Variants in MPPED1 observed in about 807,000 individuals in gnomAD.
MPPED1 encodes metallophosphoesterase domain containing 1, also known as metallophosphoesterase domain-containing protein 1.
Under a neutral mutation model 36.2 loss-of-function variants are expected in MPPED1, and 16 were observed. The ratio of observed to expected loss-of-function variants is 0.44; its 90% CI spans 0.30 to 0.67. MPPED1 has a LOEUF of 0.67. Ranked by LOEUF, MPPED1 falls within the 30% of genes least tolerant of loss-of-function variation. The pLI, the probability that MPPED1 is intolerant of heterozygous loss-of-function variation, is 0.10. For synonymous variants in MPPED1, 199 were observed against 191.3 expected, an observed-to-expected ratio of 1.04 and a Z score of -0.33; for missense variants, 307 against 453.4, an observed-to-expected ratio of 0.68 and a Z score of 2.93.
intron 3 of MPPED1, among the ~76,000 whole-genome samples, chr22:43,440,426 AG>A (rs1930110861): frequency 6.6e-6 from 1 of 152,080 alleles, no homozygotes; most frequent in Non-Finnish European, 1.5e-5. Flanking sequence ...TGAGGGCAGG[AG>A]GGGAGGCTGA....
chr22:43,430,084 T>C (rs1467624276), intron 2 of MPPED1, among the ~76,000 whole-genome samples: 2 of 152,034 alleles, frequency 1.3e-5, no homozygotes, highest in Non-Finnish European at 2.9e-5. Flanking sequence ...ATTTGTAAAA[T>C]GAGAGGAAGG....
At chr22:43,466,513 A>G (rs1307089113) in intron 3 of MPPED1, among the ~76,000 whole-genome samples, 1 of 152,190 alleles carries the variant, frequency 6.6e-6, no homozygotes, top group East Asian at 1.9e-4. Flanking sequence ...GAAAATGGCT[A>G]ACATCCAGGT....
chr22:43,442,564 CG>C (rs1223286780), intron 3 of MPPED1, among the ~76,000 whole-genome samples: 1 of 152,158 alleles, frequency 6.6e-6, no homozygotes, highest in Non-Finnish European at 1.5e-5. Flanking sequence ...ATGGAGGGTG[CG>C]GTCGGGTGGG....
Position 43,507,098 on chromosome 22 carries a change from G to A in MPPED1, c.*1482G>A, listed in dbSNP as rs1313550059. ...TTTAGTCCCATTTTAGAGATGAGAC[G>A]ATTGAGGCCAGAGGGGTGTGGTAAC... On this transcript the variant is annotated 3_prime_UTR_variant, in exon 7 of 7. Coordinates refer to ENST00000443721, the MANE Select transcript of MPPED1 (RefSeq NM_001044370.2). 2 of 152,148 alleles carry A rather than the reference G, an allele frequency of 1.3e-5. No individual in the cohort carries two copies. Among genetic ancestry groups the A allele is most frequent in the Non-Finnish European group, 2.9e-5 (2 of 68,032 alleles). The allele number at this position is 152,148 out of a possible 1,614,324, so 9.4% of individuals were successfully genotyped here. A position where few individuals can be genotyped will look rare whatever the true frequency, so the allele number is the denominator to read the frequency against.
At chr22:43,498,984 C>A (rs1468862061) in intron 5 of MPPED1, among the ~76,000 whole-genome samples, 2 of 152,054 alleles carry the variant, frequency 1.3e-5, no homozygotes, top group African/African-American at 4.8e-5. Context: ...CTTCAAGCTG[C>A]TGACCCTGCC....
At chr22:43,426,127 G>C (rs1929460692) in intron 2 of MPPED1, among the ~76,000 whole-genome samples, 1 of 152,206 alleles carries the variant, frequency 6.6e-6, no homozygotes. Context: ...CAGGGGCCCA[G>C]GCCCGTGAGG....
chr22:43,439,119 C>A (rs1307046069), intron 3 of MPPED1, among the ~76,000 whole-genome samples: 1 of 152,228 alleles, frequency 6.6e-6, no homozygotes, highest in Non-Finnish European at 1.5e-5. Flanking sequence ...CCTGCGGACT[C>A]TAACTTGCTG....
intron 3 of MPPED1, among the ~76,000 whole-genome samples, chr22:43,438,056 C>G (rs135065): frequency 6.6e-6 from 1 of 152,214 alleles, no homozygotes; most frequent in Non-Finnish European, 1.5e-5. Context: ...TGAGAGCCCA[C>G]GAGGTGCCAG....
At chr22:43,419,874 T>G (rs189552841) in intron 1 of MPPED1, among the ~76,000 whole-genome samples, 79 of 152,178 alleles carry the variant, frequency 5.2e-4, no homozygotes, top group African/African-American at 1.9e-3. Context: ...CAGGTTCTCC[T>G]TGGAGCACCC....
chr22:43,472,621 C>T (rs1459629478), intron 3 of MPPED1, among the ~76,000 whole-genome samples: 1 of 152,226 alleles, frequency 6.6e-6, no homozygotes, highest in East Asian at 1.9e-4. Flanking sequence ...CTTTCTCAAA[C>T]CTGTGAAGCA....
At chr22:43,457,636 T>C (rs1326053688) in intron 3 of MPPED1, among the ~76,000 whole-genome samples, 2 of 152,182 alleles carry the variant, frequency 1.3e-5, no homozygotes, top group Non-Finnish European at 2.9e-5. Context: ...TATTTTCTAG[T>C]TCACTATTTT....
At position 43,446,445 on chromosome 22, in the gene MPPED1, C is replaced by T. The variant is rs111961246; in HGVS notation, c.406+11230C>T. ...CATGAAGGGATGGGGAAGGGCCGGACCCTCTGCTGAGGGGATGTTTGCATG... is the reference window on the plus strand; with the variant it reads ...CATGAAGGGATGGGGAAGGGCCGGATCCTCTGCTGAGGGGATGTTTGCATG... On this transcript the variant is annotated intron_variant, in intron 3 of 6. Transcript: ENST00000443721. Among the ~76,000 whole-genome samples, 30 of 152,244 alleles carry T rather than the reference C, an allele frequency of 2.0e-4. 1 individual carries two copies. Among genetic ancestry groups the T allele is most frequent in the African/African-American group, 6.7e-4 (28 of 41,560 alleles).
At chr22:43,483,898 G>A (rs370569108) in intron 4 of MPPED1, among the ~76,000 whole-genome samples, 2 of 152,198 alleles carry the variant, frequency 1.3e-5, no homozygotes, top group South Asian at 2.1e-4. Context: ...AACAGCCCTG[G>A]GGATCCAGCT....
At chr22:43,491,507 G>A (rs1281194256) in intron 4 of MPPED1, among the ~76,000 whole-genome samples, 1 of 151,766 alleles carries the variant, frequency 6.6e-6, no homozygotes, top group East Asian at 1.9e-4. Context: ...TGATGGAGGT[G>A]GTGGTTATGG....
At chr22:43,447,158 C>T (rs135052) in intron 3 of MPPED1, among the ~76,000 whole-genome samples, 111,184 of 152,054 alleles carry the variant, frequency 0.73, 46,658 homozygotes, top group East Asian at 0.97. Flanking sequence ...TGTGAGTCTT[C>T]CTCTTCCTGT....
intron 4 of MPPED1, among the ~76,000 whole-genome samples, chr22:43,496,179 A>T (rs1309759606): frequency 1.8e-4 from 5 of 27,560 alleles, no homozygotes; most frequent in Admixed American, 7.5e-4. Flanking sequence ...GTGATGGTGG[A>T]GGTGGTGGTG....
intron 4 of MPPED1, among the ~76,000 whole-genome samples, chr22:43,484,220 C>T (rs555499050): frequency 4.1e-4 from 63 of 152,346 alleles, no homozygotes; most frequent in Non-Finnish European, 7.9e-4. Flanking sequence ...ACTCGAGACC[C>T]GCATTCGGCC....
Position 43,502,069 on chromosome 22 carries a change from C to G in MPPED1, c.749-575C>G, listed in dbSNP as rs921410992. Among the ~76,000 whole-genome samples, 2 of 152,174 alleles carry G rather than the reference C, an allele frequency of 1.3e-5. No individual in the cohort carries two copies. Among genetic ancestry groups the G allele is most frequent in the Non-Finnish European group, 2.9e-5 (2 of 68,032 alleles). ...TAATAAGCAGCCACCATCTGGGCGGCTCCAGGAGGCTGGCAGCGGGGGCAG... is the reference window on the plus strand; with the variant it reads ...TAATAAGCAGCCACCATCTGGGCGGGTCCAGGAGGCTGGCAGCGGGGGCAG... On this transcript the variant is annotated intron_variant, in intron 5 of 6. Transcript: ENST00000443721. This position sits in a 1 kb window ranked among gnomAD's most constrained non-coding sequence, Gnocchi z 5.5.
At chr22:43,501,967 C>T (rs1168115866) in intron 5 of MPPED1, among the ~76,000 whole-genome samples, 1 of 152,074 alleles carries the variant, frequency 6.6e-6, no homozygotes, top group Non-Finnish European at 1.5e-5. Context: ...CTCACCCAAA[C>T]AGAGAGGGGC....
Sources: gnomAD v4.1 joint callset for allele counts (sites outside exome capture counted in the v4.1 genomes callset) on GRCh38, gnomAD v4.1.1 for gene constraint, Gnocchi (gnomAD v3.1) non-coding constraint, MANE v1.5 for transcripts, NCBI Gene and HGNC (gene_info 2026-07-23, HGNC 2026-07-21) for gene names.